Variants in CHSY3 observed in about 807,000 individuals in gnomAD.
The protein encoded by CHSY3 is N-acetylgalactosaminyl-proteoglycan 3-beta-glucuronosyltransferase 3.
In CHSY3, 35 loss-of-function variants were observed where a neutral mutation model predicts 67.2. That is an observed-to-expected ratio of 0.52 (90% CI 0.40 to 0.69). The LOEUF is 0.69. CHSY3 is among the 30% of genes least tolerant of loss of function. The pLI, the probability that CHSY3 is intolerant of heterozygous loss-of-function variation, is 0.00. For missense variants in CHSY3, 1,069 were observed against 1,138.5 expected, an observed-to-expected ratio of 0.94 and a Z score of 0.88; for synonymous variants, 474 against 434.7, an observed-to-expected ratio of 1.09 and a Z score of -1.12.
chr5:130,000,908 A>T (rs1373201983), intron 2 of CHSY3, among the ~76,000 whole-genome samples: 2 of 142,654 alleles, frequency 1.4e-5, no homozygotes, highest in East Asian at 2.1e-4. Context: ...TTTTTCTCCA[A>T]GACAGAGTCT....
At chr5:130,081,621 C>A (rs1284463883) in intron 2 of CHSY3, among the ~76,000 whole-genome samples, 2 of 151,984 alleles carry the variant, frequency 1.3e-5, no homozygotes, top group African/African-American at 4.8e-5. Flanking sequence ...GTAATTGAAT[C>A]ATGGGGGCAG....
At chr5:129,973,588 A>G (rs986182469) in intron 2 of CHSY3, among the ~76,000 whole-genome samples, 3 of 152,124 alleles carry the variant, frequency 2.0e-5, no homozygotes, top group African/African-American at 4.8e-5. Flanking sequence ...ACTGTTAAGT[A>G]TGATTTGTTA....
At chr5:129,969,434 A>T (rs536819073) in intron 2 of CHSY3, among the ~76,000 whole-genome samples, 1 of 152,022 alleles carries the variant, frequency 6.6e-6, no homozygotes, top group South Asian at 2.1e-4. Flanking sequence ...TCAACTAAAC[A>T]TTAGCTAATT....
chr5:129,951,220 CT>C (rs1447748705), intron 2 of CHSY3, among the ~76,000 whole-genome samples: 1 of 152,184 alleles, frequency 6.6e-6, no homozygotes, highest in Non-Finnish European at 1.5e-5. Flanking sequence ...GAATCCTTAT[CT>C]TACATCACTC....
intron 2 of CHSY3, among the ~76,000 whole-genome samples, chr5:130,162,525 ATATT>A (rs1294870744): frequency 1.3e-5 from 2 of 151,914 alleles, no homozygotes; most frequent in African/African-American, 4.8e-5. Context: ...CTAGATTCCT[ATATT>A]TATTTATTTA....
chr5:129,905,482 C>A lies in CHSY3; in HGVS notation c.653C>A (p.Pro218Gln). 1 of 1,613,028 alleles carries A rather than the reference C, an allele frequency of 6.2e-7. No individual in the cohort carries two copies. ...SQQPPNAGQP[P>Q]PPLPVIALPG... Reference sequence around the variant, plus strand: ...CAGCCCCCCAACGCCGGCCAGCCCCCGCCACCCCTGCCTGTCATCGCGCTA... The same window carrying A: ...CAGCCCCCCAACGCCGGCCAGCCCCAGCCACCCCTGCCTGTCATCGCGCTA... The change falls in exon 1 of 3, where the codon CCG becomes CAG. Residue 218 changes from proline to glutamine, a missense_variant. This residue lies in a region of CHSY3 where 216 missense variants were observed against 311.5 expected (regional missense o/e 0.69). Transcript: ENST00000305031.
chr5:130,166,003 C>A (rs1007217348), intron 2 of CHSY3, among the ~76,000 whole-genome samples: 1 of 151,892 alleles, frequency 6.6e-6, no homozygotes, highest in African/African-American at 2.4e-5. Flanking sequence ...TTTAAATGTC[C>A]ATTAGTATTA....
chr5:129,929,238 C>A (rs536352687), intron 2 of CHSY3, among the ~76,000 whole-genome samples: 1 of 152,246 alleles, frequency 6.6e-6, no homozygotes, highest in Admixed American at 6.5e-5. Context: ...CTTTGTTGTT[C>A]TAGGAGAGAT....
At position 130,170,145 on chromosome 5, in the gene CHSY3, G is replaced by A. The variant is rs1039893175; in HGVS notation, c.1087-14084G>A. On this transcript the variant is annotated intron_variant, in intron 2 of 2. Coordinates refer to ENST00000305031, the MANE Select transcript of CHSY3 (RefSeq NM_175856.5). ...ACCCTTGCCCCCTTTCCACCTCCCC[G>A]ATTTTGGAGTCCCTAGTATCTATTA... Among the ~76,000 whole-genome samples the A allele has an allele frequency of 1.8e-4, 27 of 151,742 alleles. 1 individual carries two copies. The highest frequency in any genetic ancestry group is 9.7e-5 in the African/African-American group (4 of 41,348).
At chr5:129,986,838 T>C (rs1763219219) in intron 2 of CHSY3, among the ~76,000 whole-genome samples, 1 of 152,110 alleles carries the variant, frequency 6.6e-6, no homozygotes, top group Non-Finnish European at 1.5e-5. Flanking sequence ...AGACAGGGTT[T>C]TGCCATCTTT....
At chr5:130,115,686 C>T (rs1022474626) in intron 2 of CHSY3, among the ~76,000 whole-genome samples, 6 of 152,194 alleles carry the variant, frequency 3.9e-5, no homozygotes, top group African/African-American at 1.4e-4. Flanking sequence ...CAATTATTCA[C>T]TTCTTACTTG....
chr5:129,984,082 G>C (rs1763100736), intron 2 of CHSY3, among the ~76,000 whole-genome samples: 1 of 151,992 alleles, frequency 6.6e-6, no homozygotes, highest in African/African-American at 2.4e-5. Flanking sequence ...TTGTTACATG[G>C]GTAAATTGTG....
chr5:130,058,408 A>C (rs563673970), intron 2 of CHSY3, among the ~76,000 whole-genome samples: 1 of 152,264 alleles, frequency 6.6e-6, no homozygotes, highest in Admixed American at 6.5e-5. Flanking sequence ...CAGGTGGATC[A>C]CCTGAGGTCA....
At chr5:130,062,332 T>A (rs1489111972) in intron 2 of CHSY3, among the ~76,000 whole-genome samples, 1 of 152,008 alleles carries the variant, frequency 6.6e-6, no homozygotes, top group African/African-American at 2.4e-5. Context: ...CACTTATACA[T>A]GGGAGCTAAA....
chr5:130,029,344 A>G (rs1397439029), intron 2 of CHSY3, among the ~76,000 whole-genome samples: 3 of 152,104 alleles, frequency 2.0e-5, no homozygotes, highest in Admixed American at 1.3e-4. Flanking sequence ...GTTAAGAACT[A>G]TGCTATCCTC....
chr5:129,905,669 C>T (rs1028189556), intron 1 of CHSY3, 38 bp downstream of exon 1: 3 of 1,602,706 alleles, frequency 1.9e-6, no homozygotes, highest in Non-Finnish European at 1.7e-6. Flanking sequence ...CTGCCAGTCT[C>T]CCCGACTCCT....
intron 2 of CHSY3, among the ~76,000 whole-genome samples, chr5:130,160,276 C>G (rs548042063): frequency 2.0e-5 from 3 of 152,300 alleles, no homozygotes. Flanking sequence ...ACTTGCCTTA[C>G]TTAGAAATCA....
intron 2 of CHSY3, among the ~76,000 whole-genome samples, chr5:129,950,518 A>C (rs1192056407): frequency 6.6e-6 from 1 of 152,204 alleles, no homozygotes; most frequent in Non-Finnish European, 1.5e-5. Flanking sequence ...TATATATTAC[A>C]GTTTCTAAAG....
chr5:130,018,448 G>A (rs975323344), intron 2 of CHSY3, among the ~76,000 whole-genome samples: 12 of 152,248 alleles, frequency 7.9e-5, no homozygotes, highest in African/African-American at 2.9e-4. Context: ...AATGGTCCTA[G>A]TAACTAAGAC....
Sources: allele counts gnomAD v4.1 joint callset (sites outside exome capture counted in the v4.1 genomes callset), GRCh38; gene constraint gnomAD v4.1.1; regional missense constraint gnomAD v4.1.1; transcripts MANE v1.5; gene names NCBI Gene and HGNC (gene_info 2026-07-23, HGNC 2026-07-21).